LGI1: variants seen among roughly 807,000 people sequenced by gnomAD.
LGI1 encodes the protein leucine-rich glioma-inactivated protein 1.
In LGI1, 11 loss-of-function variants were observed where a neutral mutation model predicts 57.7. The ratio of observed to expected loss-of-function variants is 0.19; its 90% confidence interval spans 0.12 to 0.32. The LOEUF (loss-of-function observed/expected upper bound fraction) is 0.32, where lower values mean the gene tolerates loss of function less well. Among genes scored for constraint, LGI1 ranks in the 10% least tolerant of loss-of-function variants. LGI1 has a pLI of 1.00. For synonymous variants in LGI1, 222 were observed against 241.9 expected (o/e 0.92, Z 0.76); for missense variants, 422 against 661.9 (o/e 0.64, Z 3.98).
At chr10:93,762,328 T>C (rs933325133) in intron 2 of LGI1, 1 of 152,062 alleles carries the variant, frequency 6.6e-6, no homozygotes, top group African/African-American at 2.4e-5. Context: ...AACACATAAA[T>C]ACCTGATCCA....
chr10:93,778,462 G>A (rs759498090), intron 4 of LGI1, among the ~76,000 whole-genome samples: 1 of 151,922 alleles, frequency 6.6e-6, no homozygotes, highest in African/African-American at 2.4e-5. Flanking sequence ...AACTAGAAGA[G>A]CATGGAAAGA....
intron 4 of LGI1, chr10:93,780,364 C>T (rs992109106): frequency 2.0e-5 from 3 of 152,066 alleles, no homozygotes; most frequent in African/African-American, 4.8e-5. Flanking sequence ...TTATTTATGG[C>T]GTATTAATAA....
intron 2 of LGI1, among the ~76,000 whole-genome samples, chr10:93,776,660 G>A (rs1347926723): frequency 6.6e-6 from 1 of 152,030 alleles, no homozygotes; most frequent in Middle Eastern, 3.2e-3. Context: ...CCTCTTTTAA[G>A]CCTCTCATTC....
chr10:93,782,944 T>C (rs1474566559), intron 4 of LGI1: 1 of 152,138 alleles, frequency 6.6e-6, no homozygotes, highest in Non-Finnish European at 1.5e-5. Flanking sequence ...CTTGGGTAAA[T>C]GATGAAAACA....
intron 4 of LGI1, among the ~76,000 whole-genome samples, chr10:93,787,632 G>T (rs150458208): frequency 6.6e-6 from 1 of 152,138 alleles, no homozygotes; most frequent in South Asian, 2.1e-4. Flanking sequence ...ATCCCACAGG[G>T]TACAGTGGCT....
chr10:93,792,830 C>T lies in LGI1; in HGVS notation c.591C>T (p.Asp197=), dbSNP rs145800952. ...WLGHTNATVE[D]IYCEGPPEYK... ...GCCACACCAATGCAACTGTTGAAGACATCTACTGCGAAGGCCCCCCAGAAT... is the reference window on the plus strand; with the variant it reads ...GCCACACCAATGCAACTGTTGAAGATATCTACTGCGAAGGCCCCCCAGAAT... Residue 197 remains aspartate, a synonymous_variant, in exon 6 of 8, where the codon GAC becomes GAT. Coordinates refer to ENST00000371418, the MANE Select transcript of LGI1 (RefSeq NM_005097.4). 2.5e-6 allele frequency: 4 copies of T among 1,613,944 alleles called. No homozygotes were observed. Among genetic ancestry groups the T allele is most frequent in the Non-Finnish European group, 3.4e-6 (4 of 1,179,976 alleles).
intron 2 of LGI1, chr10:93,762,578 G>A (rs1174669830): frequency 6.6e-6 from 1 of 152,112 alleles, no homozygotes; most frequent in East Asian, 1.9e-4. Flanking sequence ...ATCAGCCAAG[G>A]GTGTTTTTGG....
chr10:93,782,940 T>G (rs979707577), intron 4 of LGI1: 2 of 152,188 alleles, frequency 1.3e-5, no homozygotes, highest in African/African-American at 2.4e-5. Context: ...TTTTCTTGGG[T>G]AAATGATGAA....
chr10:93,765,264 T>A (rs1278922234), intron 2 of LGI1: 3 of 152,234 alleles, frequency 2.0e-5, no homozygotes, highest in Non-Finnish European at 4.4e-5. Context: ...GGACCTCAGC[T>A]TTTATTGCAT....
At chr10:93,766,528 G>A (rs1305134799) in intron 2 of LGI1, among the ~76,000 whole-genome samples, 14 of 1,140 alleles carry the variant, frequency 0.012, no homozygotes, top group Admixed American at 0.078. Flanking sequence ...TTTTTGAGAC[G>A]GAGTCTCGCT....
At chr10:93,774,569 A>G (rs1287696499) in intron 2 of LGI1, among the ~76,000 whole-genome samples, 1 of 152,148 alleles carries the variant, frequency 6.6e-6, no homozygotes, top group Non-Finnish European at 1.5e-5. Context: ...CCAATTCCAG[A>G]TCCCCAAGAA....
chr10:93,772,487 G>A (rs1488921101), intron 2 of LGI1, among the ~76,000 whole-genome samples: 2 of 151,968 alleles, frequency 1.3e-5, no homozygotes, highest in African/African-American at 4.8e-5. Flanking sequence ...GTTACATCAT[G>A]ATATATCCAT....
intron 7 of LGI1, among the ~76,000 whole-genome samples, chr10:93,796,131 T>C (rs1272811857): frequency 6.6e-6 from 1 of 152,242 alleles, no homozygotes; most frequent in Non-Finnish European, 1.5e-5. Context: ...TTTTCCAAAA[T>C]AACTTTCAGG....
At chr10:93,777,956 C>T (rs779882388) in intron 4 of LGI1, among the ~76,000 whole-genome samples, 40 of 152,118 alleles carry the variant, frequency 2.6e-4, no homozygotes, top group Middle Eastern at 6.8e-3. Flanking sequence ...GCTTTTTTTC[C>T]CTCTATAAGC....
chr10:93,797,398 A>T lies in LGI1; in HGVS notation c.1269A>T (p.Gln423His). 6.2e-7 allele frequency: 1 copy of T among 1,614,202 alleles called. No homozygotes were observed. The highest frequency in any genetic ancestry group is 8.5e-7 in the Non-Finnish European group (1 of 1,180,030). The change falls in exon 8 of 8, where the codon CAA (glutamine) becomes CAT (histidine). Residue 423 changes from glutamine (Q) to histidine (H), a missense_variant. Around this residue, in one of 3 missense-constraint regions of LGI1, gnomAD observed 301 missense variants for 461.7 expected, o/e 0.65. Transcript: ENST00000371418. The surrounding 1 kb of genome is among the most constrained non-coding windows in gnomAD (Gnocchi z 6.5). ...WNKATQLFTN[Q>H]TDIPNMEDVY... ...AAGCAACACAATTATTCACTAACCAAACTGACATTCCTAACATGGAGGATG... is the reference window on the plus strand; with the variant it reads ...AAGCAACACAATTATTCACTAACCATACTGACATTCCTAACATGGAGGATG...
intron 2 of LGI1, among the ~76,000 whole-genome samples, chr10:93,776,563 T>C (rs2133999932): frequency 6.6e-6 from 1 of 152,294 alleles, no homozygotes; most frequent in South Asian, 2.1e-4. Context: ...GAAGTAAAAG[T>C]GATAAGCTTT....
chr10:93,795,166 C>T (rs1028591437), intron 7 of LGI1, among the ~76,000 whole-genome samples: 1 of 152,190 alleles, frequency 6.6e-6, no homozygotes, highest in African/African-American at 2.4e-5. Flanking sequence ...ATAAATCATA[C>T]ATCTGCAAAC....
intron 2 of LGI1, among the ~76,000 whole-genome samples, chr10:93,760,088 A>G (rs1364146256): frequency 6.6e-6 from 1 of 152,248 alleles, no homozygotes; most frequent in Non-Finnish European, 1.5e-5. Flanking sequence ...TGTTTTGTGT[A>G]TATGAAATTC....
chr10:93,766,133 G>T (rs982001616), intron 2 of LGI1, among the ~76,000 whole-genome samples: 4 of 152,032 alleles, frequency 2.6e-5, no homozygotes, highest in African/African-American at 9.7e-5. Context: ...AGGTCCAAAG[G>T]GACCTTACCA....
Sources: allele counts gnomAD v4.1 joint callset (sites outside exome capture counted in the v4.1 genomes callset), GRCh38; gene constraint gnomAD v4.1.1; regional missense constraint gnomAD v4.1.1; non-coding constraint Gnocchi (gnomAD v3.1); transcripts MANE v1.5; gene names NCBI Gene and HGNC (gene_info 2026-07-23, HGNC 2026-07-21).